RBFOX1: variants seen among roughly 807,000 people sequenced by gnomAD.
RBFOX1 encodes RNA binding fox-1 homolog 1.
RBFOX1 carries 8 observed loss-of-function variants against 57.7 expected under a neutral mutation model. The ratio of observed to expected loss-of-function variants is 0.14; its 90% confidence interval spans 0.08 to 0.25. The LOEUF (loss-of-function observed/expected upper bound fraction) is 0.25. Among genes scored for constraint, RBFOX1 ranks in the 10% least tolerant of loss-of-function variants. The pLI, the probability that RBFOX1 is intolerant of heterozygous loss-of-function variation, is 1.00. For missense variants in RBFOX1, 611 were observed against 548.5 expected (o/e 1.11, Z -1.14); for synonymous variants, 326 against 222.4 (o/e 1.47, Z -4.15).
At chr16:6,217,437 C>T (rs528967455) in intron 1 of RBFOX1, among the ~76,000 whole-genome samples, 71 of 152,220 alleles carry the variant, frequency 4.7e-4, no homozygotes, top group Admixed American at 3.2e-3. Flanking sequence ...TCAAACATTT[C>T]AGTATTATCG....
chr16:7,444,931 C>G (rs976002180), intron 4 of RBFOX1, among the ~76,000 whole-genome samples: 6 of 152,116 alleles, frequency 3.9e-5, no homozygotes, highest in East Asian at 1.9e-4. Context: ...AATTCTAAGT[C>G]TCAACAAATC....
At chr16:5,349,990 C>T (rs1204996620) in intron 1 of RBFOX1, among the ~76,000 whole-genome samples, 3 of 152,234 alleles carry the variant, frequency 2.0e-5, no homozygotes, top group Admixed American at 2.0e-4. Flanking sequence ...ATAAATTGAT[C>T]TGCTGATGTA....
chr16:7,343,312 C>T (rs1431421147), intron 4 of RBFOX1, among the ~76,000 whole-genome samples: 2 of 152,096 alleles, frequency 1.3e-5, no homozygotes, highest in African/African-American at 4.8e-5. Context: ...CCAGATGTTC[C>T]CCCAAAGCTG....
chr16:6,413,048 A>G (rs970378392), intron 2 of RBFOX1, among the ~76,000 whole-genome samples: 2 of 152,222 alleles, frequency 1.3e-5, no homozygotes, highest in Non-Finnish European at 2.9e-5. Flanking sequence ...GGCCAGGTAC[A>G]GTGCCTCATG....
intron 3 of RBFOX1, among the ~76,000 whole-genome samples, chr16:7,019,819 A>G (rs189794899): frequency 6.6e-4 from 101 of 152,290 alleles, no homozygotes; most frequent in Middle Eastern, 3.4e-3. Flanking sequence ...AATCCTGAAC[A>G]TATGATTCTC....
chr16:5,398,990 C>T (rs1200764593), intron 1 of RBFOX1, among the ~76,000 whole-genome samples: 1 of 152,234 alleles, frequency 6.6e-6, no homozygotes, highest in African/African-American at 2.4e-5. Flanking sequence ...TTCTCCTTCT[C>T]TTCCCGCATT....
chr16:7,589,127 G>C (rs924896614), intron 7 of RBFOX1, among the ~76,000 whole-genome samples: 3 of 152,194 alleles, frequency 2.0e-5, no homozygotes, highest in African/African-American at 4.8e-5. Context: ...GCCTAATTCT[G>C]TTCACTCGAG....
intron 4 of RBFOX1, among the ~76,000 whole-genome samples, chr16:7,074,641 A>G (rs761259088): frequency 3.9e-5 from 6 of 152,192 alleles, no homozygotes; most frequent in Non-Finnish European, 5.9e-5. Flanking sequence ...GAGACAGACA[A>G]TGGGACAAAA....
intron 3 of RBFOX1, among the ~76,000 whole-genome samples, chr16:6,725,761 A>G (rs182024848): frequency 6.6e-6 from 1 of 152,292 alleles, no homozygotes; most frequent in East Asian, 1.9e-4. Flanking sequence ...TAAATGAACC[A>G]AAAATGTTGA....
chr16:6,457,438 T>TTCCCC (rs757540836), intron 2 of RBFOX1, among the ~76,000 whole-genome samples: 4 of 54,226 alleles, frequency 7.4e-5, no homozygotes, highest in Non-Finnish European at 1.2e-4. Context: ...TTTCCGGAAG[T>TTCCCC]CCCCCCCCCC....
rs1378229950 is a variant in RBFOX1 at position 5,704,478 on chromosome 16, G to A, written c.318+105517G>A. Among the ~76,000 whole-genome samples the A allele has an allele frequency of 2.0e-5, 3 of 152,126 alleles. No individual in the cohort carries two copies. The East Asian group carries it at 5.8e-4, about 29-fold the overall frequency. On this transcript the variant is annotated intron_variant, in intron 3 of 19. Transcript: ENST00000641259. ...GGCTTTTTGTCCTTTGAGCAGTGCTGGGAGCCAACCAGGCCCAGCTACTTT... is the reference window on the plus strand; with the variant it reads ...GGCTTTTTGTCCTTTGAGCAGTGCTAGGAGCCAACCAGGCCCAGCTACTTT...
At chr16:6,677,969 T>C (rs913517848) in intron 3 of RBFOX1, among the ~76,000 whole-genome samples, 1 of 152,220 alleles carries the variant, frequency 6.6e-6, no homozygotes, top group African/African-American at 2.4e-5. Flanking sequence ...CTAATAGAAA[T>C]ATAATGTCAA....
At chr16:6,120,503 A>G (rs1397851155) in intron 1 of RBFOX1, among the ~76,000 whole-genome samples, 3 of 152,052 alleles carry the variant, frequency 2.0e-5, no homozygotes, top group African/African-American at 7.2e-5. Context: ...TTGTCATGGG[A>G]TCTTGGGTGG....
intron 6 of RBFOX1, among the ~76,000 whole-genome samples, chr16:7,580,586 C>T (rs1028578085): frequency 3.3e-5 from 5 of 152,288 alleles, no homozygotes; most frequent in Admixed American, 3.3e-4. Flanking sequence ...GCCCAGGCAC[C>T]ATGGTGAAAC....
At chr16:6,656,003 C>T (rs541355198) in intron 3 of RBFOX1, among the ~76,000 whole-genome samples, 14 of 152,268 alleles carry the variant, frequency 9.2e-5, no homozygotes, top group Admixed American at 2.0e-4. Flanking sequence ...ATTCAATCTG[C>T]GTGATCCCAG....
At chr16:5,521,051 T>A (rs988576128) in intron 2 of RBFOX1, among the ~76,000 whole-genome samples, 2 of 152,134 alleles carry the variant, frequency 1.3e-5, no homozygotes, top group African/African-American at 4.8e-5. Flanking sequence ...TTAATGGACA[T>A]CAAGAAGATA....
intron 3 of RBFOX1, among the ~76,000 whole-genome samples, chr16:6,753,882 A>G (rs976080968): frequency 1.3e-5 from 2 of 152,038 alleles, no homozygotes; most frequent in African/African-American, 4.8e-5. Flanking sequence ...GCTCTCGGTC[A>G]TTTGTCATAA....
At chr16:6,369,470 C>G (rs995956308) in intron 2 of RBFOX1, among the ~76,000 whole-genome samples, 1 of 152,174 alleles carries the variant, frequency 6.6e-6, no homozygotes, top group Non-Finnish European at 1.5e-5. Flanking sequence ...CTCATTATTC[C>G]TAGCATTGAG....
At chr16:7,221,580 T>C (rs1603340693) in intron 4 of RBFOX1, among the ~76,000 whole-genome samples, 1 of 152,242 alleles carries the variant, frequency 6.6e-6, no homozygotes, top group Non-Finnish European at 1.5e-5. Flanking sequence ...TTGGCCAGGG[T>C]AGTCTTGAAC....
Sources: gnomAD v4.1 joint callset for allele counts (sites outside exome capture counted in the v4.1 genomes callset) on GRCh38, gnomAD v4.1.1 for gene constraint, MANE v1.5 for transcripts, NCBI Gene and HGNC (gene_info 2026-07-23, HGNC 2026-07-21) for gene names.